The following DPP10 variants were observed in gnomAD, a reference collection of about 807,000 sequenced individuals.
DPP10 encodes the protein inactive dipeptidyl peptidase 10.
DPP10 carries 33 observed loss-of-function variants against 120.9 expected under a neutral mutation model. That is an observed-to-expected ratio of 0.27 (90% CI 0.21 to 0.37). The LOEUF is 0.37. DPP10 is among the 10% of genes least tolerant of loss of function. The pLI, the probability that DPP10 is intolerant of heterozygous loss-of-function variation, is 1.00. For synonymous variants in DPP10, 337 were observed against 326.1 expected (o/e 1.03, Z -0.36); for missense variants, 816 against 942.8 (o/e 0.87, Z 1.76).
intron 5 of DPP10, among the ~76,000 whole-genome samples, chr2:115,662,955 C>T (rs1173424055): frequency 6.6e-6 from 1 of 151,870 alleles, no homozygotes; most frequent in South Asian, 2.1e-4. Context: ...ACTTTTCTTG[C>T]ATGTAGAATT....
chr2:114,628,880 A>G lies in DPP10; in HGVS notation c.60+186042A>G, dbSNP rs568416984. Among the ~76,000 whole-genome samples the G allele has an allele frequency of 4.6e-5, 7 of 152,306 alleles. No individual in the cohort carries two copies. The South Asian group carries it at 8.3e-4, about 18-fold the overall frequency. ...ATACACTGCAAAGTTGACAAGACGAACAGTGGAGAGGTGGAGGTCTTCTTA... is the reference window on the plus strand; with the variant it reads ...ATACACTGCAAAGTTGACAAGACGAGCAGTGGAGAGGTGGAGGTCTTCTTA... On this transcript the variant is annotated intron_variant, in intron 1 of 25. Transcript: ENST00000410059.
intron 3 of DPP10, among the ~76,000 whole-genome samples, chr2:115,417,636 T>C (rs1193132815): frequency 6.6e-6 from 1 of 152,148 alleles, no homozygotes; most frequent in Non-Finnish European, 1.5e-5. Context: ...ACCAAGTTTT[T>C]CCAAAATCAC....
chr2:115,292,399 C>T (rs1401032924), intron 1 of DPP10, among the ~76,000 whole-genome samples: 2 of 152,170 alleles, frequency 1.3e-5, no homozygotes, highest in Admixed American at 1.3e-4. Context: ...TCAAGAAAAA[C>T]TACTTTTGAA....
intron 1 of DPP10, among the ~76,000 whole-genome samples, chr2:114,837,184 A>G (rs147152267): frequency 0.087 from 13,244 of 152,256 alleles, 697 homozygotes; most frequent in Non-Finnish European, 0.11. Context: ...GGAAGTGATA[A>G]GTGTCCATGA....
intron 1 of DPP10, among the ~76,000 whole-genome samples, chr2:115,173,462 G>A (rs574528530): frequency 6.6e-6 from 1 of 152,162 alleles, no homozygotes; most frequent in Non-Finnish European, 1.5e-5. Context: ...CAAGAAAAAG[G>A]TATTTTAGAG....
chr2:114,524,606 C>A (rs1013512867), intron 1 of DPP10, among the ~76,000 whole-genome samples: 1 of 152,178 alleles, frequency 6.6e-6, no homozygotes, highest in African/African-American at 2.4e-5. Context: ...GAAGGCATAG[C>A]CGTAGCTCTC....
intron 3 of DPP10, among the ~76,000 whole-genome samples, chr2:115,366,122 A>G (rs1269266844): frequency 6.6e-6 from 1 of 151,958 alleles, no homozygotes; most frequent in African/African-American, 2.4e-5. Flanking sequence ...GAAATGATAT[A>G]ATAATATATT....
chr2:114,954,515 C>G (rs1440447739), intron 1 of DPP10, among the ~76,000 whole-genome samples: 1 of 151,576 alleles, frequency 6.6e-6, no homozygotes, highest in African/African-American at 2.4e-5. Context: ...AAGAAAGATC[C>G]CAAATAAACA....
intron 1 of DPP10, among the ~76,000 whole-genome samples, chr2:114,597,682 A>G (rs1472992120): frequency 6.6e-6 from 1 of 151,948 alleles, no homozygotes; most frequent in African/African-American, 2.4e-5. Context: ...TCCTACTACA[A>G]TGTCAATTCT....
rs541914750 is a variant in DPP10 at position 114,530,135 on chromosome 2, T to C, written c.60+87297T>C. Among the ~76,000 whole-genome samples, 5 of 152,288 alleles carry C rather than the reference T, an allele frequency of 3.3e-5. 1 individual carries two copies. Among genetic ancestry groups the C allele is most frequent in the African/African-American group, 1.2e-4 (5 of 41,566 alleles). On this transcript the variant is annotated intron_variant, in intron 1 of 25. Transcript: ENST00000410059. ...GAGTTTGATTCTATAGTTAATATGT[T>C]CTCATAACACCTTATATCTTTGCTC...
intron 4 of DPP10, among the ~76,000 whole-genome samples, chr2:115,521,132 T>C (rs1276847538): frequency 6.6e-6 from 1 of 152,102 alleles, no homozygotes; most frequent in Non-Finnish European, 1.5e-5. Context: ...GAAGGTGGTA[T>C]AGCAAGTAGA....
intron 1 of DPP10, among the ~76,000 whole-genome samples, chr2:115,083,834 G>C (rs967734955): frequency 6.6e-6 from 1 of 152,170 alleles, no homozygotes; most frequent in South Asian, 2.1e-4. Context: ...TTGGATAGGA[G>C]ATAGCTTTAA....
intron 1 of DPP10, among the ~76,000 whole-genome samples, chr2:114,941,730 T>G (rs897096027): frequency 1.3e-5 from 2 of 152,292 alleles, no homozygotes; most frequent in Admixed American, 1.3e-4. Context: ...ACTTACCATC[T>G]ATACCAGGTA....
intron 1 of DPP10, among the ~76,000 whole-genome samples, chr2:115,157,244 C>CAAAAA (rs569338436): frequency 0.04 from 4,029 of 101,294 alleles, 84 homozygotes; most frequent in Non-Finnish European, 0.046. Flanking sequence ...TTAAATATAG[C>CAAAAA]AAAAAAAAAA....
chr2:114,631,088 TTA>T (rs1242592943), intron 1 of DPP10, among the ~76,000 whole-genome samples: 1 of 152,084 alleles, frequency 6.6e-6, no homozygotes, highest in Non-Finnish European at 1.5e-5. Context: ...AGCATATAGT[TTA>T]TGTTTTTTAG....
intron 1 of DPP10, among the ~76,000 whole-genome samples, chr2:114,592,570 G>A (rs934347473): frequency 6.6e-6 from 1 of 151,756 alleles, no homozygotes; most frequent in African/African-American, 2.4e-5. Context: ...AATGATGCAG[G>A]CATTATGAAC....
rs188565668 is a variant in DPP10 at position 114,875,480 on chromosome 2, C to T, written c.60+432642C>T. The stretch of plus-strand genomic sequence containing the variant: ...CTGACTTGGAATAAATCTTACTCTG[C>T]CTCCTGGGACAGTGAAAGCTCTGTT... On this transcript the variant is annotated intron_variant, in intron 1 of 25. Transcript: ENST00000410059. Among the ~76,000 whole-genome samples, 19 of 152,236 alleles carry T rather than the reference C, an allele frequency of 1.2e-4. No homozygotes were observed. In the East Asian group the frequency reaches 3.3e-3, roughly 26 times the overall value.
At chr2:115,574,700 T>C (rs1387400807) in intron 5 of DPP10, among the ~76,000 whole-genome samples, 1 of 152,190 alleles carries the variant, frequency 6.6e-6, no homozygotes, top group African/African-American at 2.4e-5. Context: ...TTTTTTATAG[T>C]ACATTCAAAA....
At chr2:115,798,319 A>G (rs1575807490) in intron 19 of DPP10, among the ~76,000 whole-genome samples, 1 of 152,070 alleles carries the variant, frequency 6.6e-6, no homozygotes, top group African/African-American at 2.4e-5. Context: ...ATATTAGGAT[A>G]TAAGATTAAC....
Sources: allele counts gnomAD v4.1 joint callset (sites outside exome capture counted in the v4.1 genomes callset), GRCh38; gene constraint gnomAD v4.1.1; transcripts MANE v1.5; gene names NCBI Gene and HGNC (gene_info 2026-07-23, HGNC 2026-07-21).